Variants in ANKRD30B observed in about 807,000 individuals in gnomAD.
ANKRD30B encodes ankyrin repeat domain-containing protein 30B.
In ANKRD30B, 144 loss-of-function variants were observed where a neutral mutation model predicts 202.2. That is an observed-to-expected ratio of 0.71 (90% confidence interval 0.62 to 0.82). The LOEUF (loss-of-function observed/expected upper bound fraction) is 0.82, where lower values mean the gene tolerates loss of function less well. Among genes scored for constraint, ANKRD30B ranks in the 40% least tolerant of loss-of-function variants. The pLI is 0.00. For missense variants in ANKRD30B, 1,487 were observed against 1,669.1 expected (o/e 0.89, Z 1.90); for synonymous variants, 508 against 561.3 (o/e 0.91, Z 1.34).
chr18:14,757,677 G>C, intron 4 of ANKRD30B, 138 bp from the exon 5 acceptor site: 3 of 907,034 alleles, frequency 3.3e-6, no homozygotes, highest in Non-Finnish European at 4.7e-6. Context: ...TTTTAGATTT[G>C]GTGGTGATTT....
chr18:14,893,592 C>T, the ANKRD30B span, among the ~76,000 whole-genome samples: 403 of 150,336 alleles, frequency 2.7e-3, 2 homozygotes, highest in East Asian at 0.043. Context: ...GCCTGGACAA[C>T]AAGAGCTAGA....
In ANKRD30B at chr18:14,842,922, T is replaced by C; in HGVS notation, c.3105T>C (p.Phe1035=). The change falls in exon 38 of 44, where the codon TTT becomes TTC. Residue 1035 remains phenylalanine (F), a synonymous_variant. Transcript: ENST00000690538. The part of the protein sequence containing the change: ...IEESPEKPSH[F]EPATEMQNSV... The stretch of plus-strand genomic sequence containing the variant: ...AGTCTCCTGAAAAGCCTTCTCACTT[T>C]GAGGTATTGAGTTTTATAATTTTAT... 6.5e-7 allele frequency: 1 copy of C among 1,547,650 alleles called. No homozygotes were observed. The highest frequency in any genetic ancestry group is 8.7e-7 in the Non-Finnish European group (1 of 1,144,062).
intron 1 of ANKRD30B, among the ~76,000 whole-genome samples, chr18:14,749,172 G>T (rs950079638): frequency 1.3e-5 from 2 of 152,188 alleles, no homozygotes; most frequent in Non-Finnish European, 2.9e-5. Context: ...AAACTTCGAG[G>T]TGGGAAGATA....
At chr18:14,789,942 C>G (rs1968354747) in intron 15 of ANKRD30B, among the ~76,000 whole-genome samples, 1 of 152,146 alleles carries the variant, frequency 6.6e-6, no homozygotes, top group Non-Finnish European at 1.5e-5. Flanking sequence ...TCATTGGTAG[C>G]TTAATGGGGA....
At chr18:14,846,073 T>A (rs1971625831) in intron 39 of ANKRD30B, among the ~76,000 whole-genome samples, 1 of 151,928 alleles carries the variant, frequency 6.6e-6, no homozygotes, top group African/African-American at 2.4e-5. Context: ...TTCTTATTTT[T>A]TTTTTTTTTT....
intron 32 of ANKRD30B, chr18:14,825,195 A>G (rs1970610057): frequency 6.6e-6 from 1 of 152,120 alleles, no homozygotes; most frequent in Non-Finnish European, 1.5e-5. Context: ...TGAGGGTTCC[A>G]TCACGATCCT....
chr18:14,835,145 A>T (rs561633944), intron 34 of ANKRD30B, among the ~76,000 whole-genome samples: 1 of 151,958 alleles, frequency 6.6e-6, no homozygotes, highest in Admixed American at 6.5e-5. Flanking sequence ...GATCATATGA[A>T]CATGGTTCTT....
intron 9 of ANKRD30B, among the ~76,000 whole-genome samples, chr18:14,773,106 C>A (rs998776947): frequency 2.0e-5 from 3 of 152,122 alleles, no homozygotes; most frequent in African/African-American, 4.8e-5. Context: ...CCCAAGTAAA[C>A]AACCAGTTCT....
chr18:14,896,133 C>G, the ANKRD30B span, among the ~76,000 whole-genome samples: 1 of 151,186 alleles, frequency 6.6e-6, no homozygotes, highest in East Asian at 1.9e-4. Flanking sequence ...CTATTATCTG[C>G]TCATTTTTTT....
At chr18:14,783,805 G>A (rs866370888) in intron 12 of ANKRD30B, among the ~76,000 whole-genome samples, 3 of 152,004 alleles carry the variant, frequency 2.0e-5, no homozygotes, top group Middle Eastern at 3.4e-3. Context: ...AGAAATATAG[G>A]CATATGATTA....
the ANKRD30B span, among the ~76,000 whole-genome samples, chr18:14,930,906 G>A: frequency 5.9e-5 from 9 of 152,336 alleles, no homozygotes; most frequent in Admixed American, 1.3e-4. Flanking sequence ...TTTGGTGCTG[G>A]CCTCACTTTG....
chr18:14,809,876 C>G, intron 26 of ANKRD30B, 110 bp from the exon 27 acceptor site: 1 of 1,078,454 alleles, frequency 9.3e-7, no homozygotes, highest in South Asian at 1.3e-5. Context: ...TAGTGTAATC[C>G]CTTTTCAATC....
chr18:14,882,418 G>T, the ANKRD30B span, among the ~76,000 whole-genome samples: 6 of 152,220 alleles, frequency 3.9e-5, no homozygotes, highest in East Asian at 1.9e-4. Flanking sequence ...TGGTTTTGAA[G>T]ATTCCTTTTG....
chr18:14,833,431 A>G (rs1971040653), intron 34 of ANKRD30B, among the ~76,000 whole-genome samples: 1 of 152,086 alleles, frequency 6.6e-6, no homozygotes, highest in African/African-American at 2.4e-5. Context: ...TCTATTTTTA[A>G]TAGAGAGGGG....
the ANKRD30B span, among the ~76,000 whole-genome samples, chr18:14,874,972 G>T: frequency 2.6e-5 from 4 of 152,178 alleles, no homozygotes; most frequent in African/African-American, 4.8e-5. Context: ...GACTCATACA[G>T]GTCCACTCAG....
the ANKRD30B span, among the ~76,000 whole-genome samples, chr18:14,924,012 A>G: frequency 6.6e-6 from 1 of 152,138 alleles, no homozygotes; most frequent in Non-Finnish European, 1.5e-5. Flanking sequence ...CTCTGTGCTT[A>G]TATGTCTCAT....
At chr18:14,934,943 CACACA>C in the ANKRD30B span, among the ~76,000 whole-genome samples, 219 of 151,208 alleles carry the variant, frequency 1.4e-3, 1 homozygote, top group African/African-American at 5.1e-3. Flanking sequence ...CACACACACA[CACACA>C]CCCCATCGTG....
intron 36 of ANKRD30B, among the ~76,000 whole-genome samples, chr18:14,838,783 A>G (rs1971287222): frequency 6.6e-6 from 1 of 152,254 alleles, no homozygotes; most frequent in Admixed American, 6.5e-5. Flanking sequence ...AATACCAGTA[A>G]CTTTGTTTAT....
intron 39 of ANKRD30B, among the ~76,000 whole-genome samples, chr18:14,847,731 A>C (rs967142822): frequency 4.0e-5 from 6 of 151,674 alleles, no homozygotes; most frequent in African/African-American, 1.5e-4. Context: ...CCCACACCTG[A>C]GGCAAGGCCT....
Sources: allele counts gnomAD v4.1 joint callset (sites outside exome capture counted in the v4.1 genomes callset), GRCh38; gene constraint gnomAD v4.1.1; transcripts MANE v1.5; gene names NCBI Gene and HGNC (gene_info 2026-07-23, HGNC 2026-07-21).